The following DLG2 variants were observed in gnomAD, a reference collection of about 807,000 sequenced individuals.
DLG2 encodes the protein disks large homolog 2.
In DLG2, 45 loss-of-function variants were observed where a neutral mutation model predicts 132.5. That is an observed-to-expected ratio of 0.34 (90% CI 0.27 to 0.44). The LOEUF (loss-of-function observed/expected upper bound fraction) is 0.44. DLG2 is among the 20% of genes least tolerant of loss of function. DLG2 has a pLI of 1.00. For synonymous variants in DLG2, 424 were observed against 419.6 expected (o/e 1.01, Z -0.13); for missense variants, 1,045 against 1,196.9 (o/e 0.87, Z 1.87).
chr11:83,670,845 A>G (rs2076714902), intron 18 of DLG2, among the ~76,000 whole-genome samples: 1 of 152,204 alleles, frequency 6.6e-6, no homozygotes, highest in Admixed American at 6.5e-5. Flanking sequence ...CAATAATAGT[A>G]TACTACTATG....
rs537118819 is a variant in DLG2, at chr11:85,388,666, T to C, written c.41-103301A>G. ...CTGAGAGACCTGAAGACAGATCATA[T>C]CACAGGACTCTTTGCAGACACTACC... On this transcript the variant is annotated intron_variant, in intron 3 of 27. Coordinates refer to ENST00000376104, the MANE Select transcript of DLG2 (RefSeq NM_001142699.3). Among the ~76,000 whole-genome samples the C allele has an allele frequency of 2.6e-5, 4 of 152,250 alleles. No individual in the cohort carries two copies. The East Asian group carries it at 7.7e-4, about 29-fold the overall frequency.
intron 6 of DLG2, among the ~76,000 whole-genome samples, chr11:84,848,146 G>A (rs1022876828): frequency 2.0e-5 from 3 of 152,164 alleles, no homozygotes; most frequent in South Asian, 4.2e-4. Flanking sequence ...TGCATTCCTT[G>A]CCCCCAGAAC....
At chr11:85,597,256 A>G (rs1233767831) in intron 3 of DLG2, among the ~76,000 whole-genome samples, 1 of 152,146 alleles carries the variant, frequency 6.6e-6, no homozygotes, top group African/African-American at 2.4e-5. Flanking sequence ...AGTTCTCAAA[A>G]ATGCAAATTC....
chr11:85,595,522 C>A (rs1591138460), intron 3 of DLG2, among the ~76,000 whole-genome samples: 1 of 152,090 alleles, frequency 6.6e-6, no homozygotes, highest in East Asian at 1.9e-4. Flanking sequence ...TAGCATATTG[C>A]TGTTTCAGGG....
At chr11:83,815,277 C>T (rs536525360) in intron 17 of DLG2, 1 of 152,280 alleles carries the variant, frequency 6.6e-6, no homozygotes, top group African/African-American at 2.4e-5. Context: ...CCCTTCAATT[C>T]ACCATTATCA....
chr11:84,818,255 A>G (rs2077285149), intron 6 of DLG2, among the ~76,000 whole-genome samples: 1 of 152,008 alleles, frequency 6.6e-6, no homozygotes, highest in African/African-American at 2.4e-5. Flanking sequence ...GAAATATTCT[A>G]TTCTTCCTAT....
At chr11:84,522,988 T>G (rs545476863) in intron 7 of DLG2, among the ~76,000 whole-genome samples, 2 of 152,286 alleles carry the variant, frequency 1.3e-5, no homozygotes, top group East Asian at 3.9e-4. Context: ...CTAACCAACA[T>G]GACATTCACT....
intron 19 of DLG2, among the ~76,000 whole-genome samples, chr11:83,592,242 A>G (rs2097200913): frequency 6.6e-6 from 1 of 151,312 alleles, no homozygotes; most frequent in Non-Finnish European, 1.5e-5. Flanking sequence ...ACTTCAAACT[A>G]TACTACAAGG....
chr11:84,581,502 T>A (rs1365753485), intron 6 of DLG2, among the ~76,000 whole-genome samples: 1 of 152,216 alleles, frequency 6.6e-6, no homozygotes, highest in African/African-American at 2.4e-5. Context: ...ATGGGACAAC[T>A]CTGCTAAGCT....
At chr11:83,819,442 C>A (rs1251957926) in intron 17 of DLG2, among the ~76,000 whole-genome samples, 1 of 119,566 alleles carries the variant, frequency 8.4e-6, no homozygotes, top group Non-Finnish European at 1.6e-5. Flanking sequence ...TATACTCCAG[C>A]CTGGGAGACA....
Position 84,837,508 on chromosome 11 carries a change from A to G in DLG2, c.357+274153T>C, listed in dbSNP as rs566777631. ...TCCTAGTACGAAGTAGCTCCCTATT[A>G]GTAAAAACTGCCCTAAATCTCAACC... is the stretch of plus-strand genomic sequence containing the variant. On this transcript the variant is annotated intron_variant, in intron 6 of 27. Transcript: ENST00000376104. Among the ~76,000 whole-genome samples the G allele has an allele frequency of 7.2e-5, 11 of 151,916 alleles. No individual in the cohort carries two copies. In the South Asian group the frequency reaches 2.3e-3, roughly 31 times the overall value.
chr11:85,057,754 A>C (rs896722324), intron 6 of DLG2, among the ~76,000 whole-genome samples: 1 of 151,622 alleles, frequency 6.6e-6, no homozygotes, highest in African/African-American at 2.4e-5. Flanking sequence ...AAAAAAAGTA[A>C]AACAGCTACA....
At chr11:84,728,251 T>C (rs2062730618) in intron 6 of DLG2, among the ~76,000 whole-genome samples, 1 of 152,190 alleles carries the variant, frequency 6.6e-6, no homozygotes. Context: ...CTTATTATTT[T>C]GAGATACGTT....
At chr11:84,532,394 A>G (rs995335175) in intron 7 of DLG2, among the ~76,000 whole-genome samples, 1 of 152,156 alleles carries the variant, frequency 6.6e-6, no homozygotes, top group African/African-American at 2.4e-5. Context: ...AGCCTTGATT[A>G]TCCTACCTAC....
intron 6 of DLG2, among the ~76,000 whole-genome samples, chr11:84,819,076 T>TACACACAC (rs111644735): frequency 0.033 from 4,311 of 129,466 alleles, 106 homozygotes; most frequent in Middle Eastern, 0.058. Flanking sequence ...CACTCACAAA[T>TACACACAC]ACACACACAC....
intron 3 of DLG2, among the ~76,000 whole-genome samples, chr11:85,406,027 T>A (rs895446083): frequency 2.0e-5 from 3 of 151,920 alleles, no homozygotes; most frequent in Admixed American, 2.0e-4. Flanking sequence ...ACAGTTATCA[T>A]CTAATCACTA....
chr11:85,555,853 T>G (rs1443878210), intron 3 of DLG2, among the ~76,000 whole-genome samples: 1 of 151,826 alleles, frequency 6.6e-6, no homozygotes, highest in African/African-American at 2.4e-5. Context: ...TTGGGTTTAT[T>G]TATTTCCCCT....
chr11:84,983,573 T>C lies in DLG2; in HGVS notation c.357+128088A>G, dbSNP rs555050220. Among the ~76,000 whole-genome samples the C allele has an allele frequency of 2.6e-3, 389 of 152,208 alleles. 1 individual carries two copies. The highest frequency in any genetic ancestry group is 3.4e-3 in the Non-Finnish European group (228 of 68,018). ...AACCAGGAAAACAACTCTGGTGATA[T>C]GAAAAAACAAGGTTCTTTAACACTC... On this transcript the variant is annotated intron_variant, in intron 6 of 27. Transcript: ENST00000376104.
At chr11:85,411,853 T>C (rs920888989) in intron 3 of DLG2, among the ~76,000 whole-genome samples, 1 of 151,870 alleles carries the variant, frequency 6.6e-6, no homozygotes, top group Non-Finnish European at 1.5e-5. Context: ...TGCTTATTCA[T>C]ACTATCACAA....
Sources: allele counts gnomAD v4.1 joint callset (sites outside exome capture counted in the v4.1 genomes callset), GRCh38; gene constraint gnomAD v4.1.1; transcripts MANE v1.5; gene names NCBI Gene and HGNC (gene_info 2026-07-23, HGNC 2026-07-21).